ZNF385D: variants seen among roughly 807,000 people sequenced by gnomAD.
ZNF385D encodes zinc finger protein 659.
ZNF385D carries 15 observed loss-of-function variants against 35.8 expected under a neutral mutation model. The ratio of observed to expected loss-of-function variants is 0.42; its 90% CI spans 0.28 to 0.64. The LOEUF (loss-of-function observed/expected upper bound fraction) is 0.64. ZNF385D is among the 30% of genes least tolerant of loss of function. ZNF385D has a pLI of 0.23. For synonymous variants in ZNF385D, 212 were observed against 186.8 expected, an observed-to-expected ratio of 1.13 and a Z score of -1.10; for missense variants, 474 against 494.6, an observed-to-expected ratio of 0.96 and a Z score of 0.39.
At chr3:21,779,879 T>C (rs1056916271) in intron 3 of ZNF385D, among the ~76,000 whole-genome samples, 2 of 152,110 alleles carry the variant, frequency 1.3e-5, no homozygotes, top group South Asian at 2.1e-4. Context: ...GTCCTCACTA[T>C]ATTTCCTCAT....
intron 3 of ZNF385D, among the ~76,000 whole-genome samples, chr3:21,827,663 G>A (rs1159703402): frequency 6.6e-6 from 1 of 152,174 alleles, no homozygotes; most frequent in Admixed American, 6.5e-5. Context: ...ATATTGGAGT[G>A]CCTCTATTTT....
intron 3 of ZNF385D, among the ~76,000 whole-genome samples, chr3:22,076,707 T>C (rs1384321085): frequency 6.6e-6 from 1 of 152,044 alleles, no homozygotes; most frequent in African/African-American, 2.4e-5. Flanking sequence ...TGTTTTTTAA[T>C]GTCTGCATTT....
At chr3:21,835,010 T>C (rs932038292) in intron 3 of ZNF385D, among the ~76,000 whole-genome samples, 9 of 152,114 alleles carry the variant, frequency 5.9e-5, no homozygotes, top group Admixed American at 1.3e-4. Flanking sequence ...AGTGTGGAAA[T>C]TGACTAATAC....
intron 2 of ZNF385D, among the ~76,000 whole-genome samples, chr3:22,288,809 T>C (rs189713887): frequency 6.6e-6 from 1 of 152,170 alleles, no homozygotes; most frequent in African/African-American, 2.4e-5. Flanking sequence ...TTCTGTTTAT[T>C]AGATGAGACA....
chr3:22,068,844 G>C (rs1380299615), intron 3 of ZNF385D, among the ~76,000 whole-genome samples: 1 of 152,130 alleles, frequency 6.6e-6, no homozygotes, highest in Non-Finnish European at 1.5e-5. Flanking sequence ...AAGTAACATG[G>C]GGCCCGCCCA....
At chr3:21,436,855 G>T in intron 5 of ZNF385D, 115 bp downstream of exon 5, 2 of 947,464 alleles carry the variant, frequency 2.1e-6, no homozygotes, top group South Asian at 1.7e-5. Flanking sequence ...TGATTTCCAT[G>T]TAATAATTGC....
chr3:21,942,189 T>A (rs1397874815), intron 3 of ZNF385D, among the ~76,000 whole-genome samples: 1 of 152,220 alleles, frequency 6.6e-6, no homozygotes, highest in Non-Finnish European at 1.5e-5. Flanking sequence ...AAATATTACA[T>A]TTTAATTTTT....
intron 2 of ZNF385D, among the ~76,000 whole-genome samples, chr3:22,268,734 T>C (rs1701023535): frequency 6.6e-6 from 1 of 152,058 alleles, no homozygotes; most frequent in South Asian, 2.1e-4. Context: ...CGTTATGTTA[T>C]AAATGAAAGT....
intron 3 of ZNF385D, among the ~76,000 whole-genome samples, chr3:21,907,247 A>G (rs969823608): frequency 6.6e-6 from 1 of 152,188 alleles, no homozygotes; most frequent in African/African-American, 2.4e-5. Flanking sequence ...CTGTAACAAC[A>G]TTTTAAAAAT....
intron 2 of ZNF385D, among the ~76,000 whole-genome samples, chr3:22,253,859 A>C (rs1700181696): frequency 6.6e-6 from 1 of 151,942 alleles, no homozygotes; most frequent in African/African-American, 2.4e-5. Flanking sequence ...ATGACAAGAG[A>C]GGCATTTCAA....
intron 3 of ZNF385D, among the ~76,000 whole-genome samples, chr3:22,017,027 G>A (rs541113708): frequency 1.3e-5 from 2 of 151,876 alleles, no homozygotes; most frequent in South Asian, 4.2e-4. Context: ...ATTTTTTAAT[G>A]TGCAGTAGTC....
intron 3 of ZNF385D, among the ~76,000 whole-genome samples, chr3:22,132,642 C>T (rs1703868532): frequency 6.6e-6 from 1 of 151,902 alleles, no homozygotes; most frequent in Non-Finnish European, 1.5e-5. Flanking sequence ...TCTAGATGAA[C>T]TGTAGAAACG....
chr3:22,331,586 C>T lies in ZNF385D; in HGVS notation c.106+40864G>A, dbSNP rs1412171474. 2.0e-5 allele frequency among the ~76,000 whole-genome samples: 3 copies of T among 152,112 alleles called. No individual in the cohort carries two copies. In the East Asian group the frequency reaches 5.8e-4, roughly 29 times the overall value. ...ATAGTACAAAAATTTAGACATGTAT[C>T]TCCAAAACAGAATAGAAGATGGCCT... On this transcript the variant is annotated intron_variant, in intron 2 of 5. Transcript: ENST00000494108.
intron 2 of ZNF385D, among the ~76,000 whole-genome samples, chr3:22,353,165 C>T (rs1695994932): frequency 6.6e-6 from 1 of 152,142 alleles, no homozygotes; most frequent in Admixed American, 6.6e-5. Context: ...TCTGGTTTAG[C>T]TTAAATCCAC....
intron 1 of ZNF385D, among the ~76,000 whole-genome samples, chr3:21,717,257 TTAAC>T (rs1386072607): frequency 7.9e-5 from 12 of 152,188 alleles, no homozygotes; most frequent in Non-Finnish European, 1.0e-4. Context: ...AGTTATGCCT[TTAAC>T]TAAGTTCTCC....
chr3:21,424,254 T>C (rs1197125776), intron 6 of ZNF385D, among the ~76,000 whole-genome samples, 190 bp from the exon 7 acceptor site: 1 of 139,632 alleles, frequency 7.2e-6, no homozygotes, highest in Non-Finnish European at 1.5e-5. Context: ...GCTATCCATA[T>C]ATATATTCAT....
intron 3 of ZNF385D, among the ~76,000 whole-genome samples, chr3:21,817,881 A>T (rs892201645): frequency 6.6e-6 from 1 of 152,234 alleles, no homozygotes; most frequent in Non-Finnish European, 1.5e-5. Flanking sequence ...ATGCACAGGT[A>T]TGTTTATTGT....
chr3:21,810,971 CGT>C (rs139624741), intron 3 of ZNF385D, among the ~76,000 whole-genome samples: 22,700 of 144,222 alleles, frequency 0.16, 1,892 homozygotes, highest in Non-Finnish European at 0.17. Flanking sequence ...TGTGTGTATA[CGT>C]GTGTGTGTGT....
intron 3 of ZNF385D, among the ~76,000 whole-genome samples, chr3:22,086,814 T>G (rs1253750279): frequency 6.6e-6 from 1 of 152,158 alleles, no homozygotes; most frequent in African/African-American, 2.4e-5. Context: ...ACCATCATTC[T>G]GAGCAAACTA....
Sources: allele counts gnomAD v4.1 joint callset (sites outside exome capture counted in the v4.1 genomes callset), GRCh38; gene constraint gnomAD v4.1.1; transcripts MANE v1.5; gene names NCBI Gene and HGNC (gene_info 2026-07-23, HGNC 2026-07-21).